CNTNAP3: variants seen among roughly 807,000 people sequenced by gnomAD.
CNTNAP3 encodes the protein contactin-associated protein-like 3.
CNTNAP3 carries 36 observed loss-of-function variants against 92.1 expected under a neutral mutation model. That is an observed-to-expected ratio of 0.39 (90% CI 0.30 to 0.52). The LOEUF (loss-of-function observed/expected upper bound fraction) is 0.52, where lower values mean the gene tolerates loss of function less well. Ranked by LOEUF, CNTNAP3 falls within the 20% of genes least tolerant of loss-of-function variation. CNTNAP3 has a pLI of 0.76. For synonymous variants in CNTNAP3, 232 were observed against 422.3 expected (o/e 0.55, Z 5.53); for missense variants, 534 against 1,069.6 (o/e 0.50, Z 6.98).
intron 15 of CNTNAP3, among the ~76,000 whole-genome samples, chr9:39,104,666 GTCTTT>G (rs1236733391): frequency 6.6e-6 from 1 of 152,080 alleles, no homozygotes; most frequent in African/African-American, 2.4e-5. Context: ...CAGTGTGTGA[GTCTTT>G]TCTTATCTTT....
Position 39,109,216 on chromosome 9 carries a change from C to G in CNTNAP3, c.2309G>C (p.Gly770Ala), listed in dbSNP as rs1244800480. The G allele has an allele frequency of 6.2e-7, 1 of 1,612,944 alleles. No homozygotes were observed. The highest frequency in any genetic ancestry group is 2.2e-5 in the East Asian group (1 of 44,878). ...ATAAGCTGCTTCGGAATGTGGTCGG[C>G]CTGCGTCTGTCATCACAATCTGAGT... ...PVTQIVMTDA[G>A]RPHSEAAYTL... The change falls in exon 15 of 24, where the codon GGC becomes GCC. Residue 770 changes from glycine (G) to alanine (A), a missense_variant. Coordinates refer to ENST00000297668, the MANE Select transcript of CNTNAP3 (RefSeq NM_033655.5).
At chr9:39,110,224 C>T (rs1197249114) in intron 14 of CNTNAP3, among the ~76,000 whole-genome samples, 4 of 151,986 alleles carry the variant, frequency 2.6e-5, no homozygotes, top group African/African-American at 9.7e-5. Flanking sequence ...AGTGAGGCCC[C>T]GTCTCTACAA....
At chr9:39,105,203 G>A (rs1210306142) in intron 15 of CNTNAP3, among the ~76,000 whole-genome samples, 9 of 152,254 alleles carry the variant, frequency 5.9e-5, no homozygotes, top group South Asian at 4.1e-4. Flanking sequence ...CAAGGCGGGC[G>A]GATCATGAAG....
intron 9 of CNTNAP3, 70 bp from the exon 10 acceptor site, chr9:39,150,047 T>A (rs576849844): frequency 9.5e-7 from 1 of 1,052,722 alleles, no homozygotes; most frequent in African/African-American, 1.6e-5. Context: ...ATTTACTATA[T>A]GAAGACTGCT....
Position 39,144,287 on chromosome 9 carries a change from G to C in CNTNAP3, c.1709C>G (p.Ser570Cys), listed in dbSNP as rs1416423837. Reference sequence around the variant, plus strand: ...ATAGCCTGTGCCTAGACAGTCACAGGAGAAGGTGTCCCACGACTGGGAACA... The same window carrying C: ...ATAGCCTGTGCCTAGACAGTCACAGCAGAAGGTGTCCCACGACTGGGAACA... ...GECSQSWDTF[S>C]CDCLGTGYTG... The change falls in exon 11 of 24, where the codon TCC (serine) becomes TGC (cysteine). Residue 570 changes from serine to cysteine, a missense_variant. Coordinates refer to ENST00000297668, the MANE Select transcript of CNTNAP3 (RefSeq NM_033655.5). 1.9e-5 allele frequency: 30 copies of C among 1,580,326 alleles called. No homozygotes were observed. The highest frequency in any genetic ancestry group is 2.5e-5 in the Non-Finnish European group (29 of 1,163,328).
chr9:39,082,403 T>G (rs1281404391), intron 21 of CNTNAP3, among the ~76,000 whole-genome samples: 2 of 152,062 alleles, frequency 1.3e-5, no homozygotes, highest in African/African-American at 2.4e-5. Flanking sequence ...GATAACTTAG[T>G]GCAGCCTCCT....
chr9:39,086,996 T>C, intron 19 of CNTNAP3, 147 bp from the exon 20 acceptor site: 1 of 1,021,308 alleles, frequency 9.8e-7, no homozygotes, highest in Non-Finnish European at 1.4e-6. Context: ...TAGTTATCTT[T>C]CCCGGAACAG....
chr9:39,107,787 A>C (rs1436034155), intron 15 of CNTNAP3, among the ~76,000 whole-genome samples: 11 of 152,238 alleles, frequency 7.2e-5, no homozygotes, highest in Non-Finnish European at 1.6e-4. Flanking sequence ...AGATGCAGAG[A>C]ATCCAACAAA....
intron 13 of CNTNAP3, among the ~76,000 whole-genome samples, chr9:39,122,650 G>A (rs542234932): frequency 6.6e-6 from 1 of 152,242 alleles, no homozygotes; most frequent in Non-Finnish European, 1.5e-5. Flanking sequence ...TACATTAAAG[G>A]CTTCCTTACC....
In CNTNAP3 at chr9:39,159,629, G is replaced by GAGAGAGAT. The variant is rs1554651771; in HGVS notation, c.1477+6303_1477+6304insATCTCTCT. 967 of 136,274 alleles carry GAGAGAGAT rather than the reference G, an allele frequency of 7.1e-3. 44 individuals carry two copies. The highest frequency in any genetic ancestry group is 0.027 in the African/African-American group (922 of 33,948). The allele number at this position is 136,274 out of a possible 1,614,324, so 8.4% of individuals were successfully genotyped here. A position where few individuals can be genotyped will look rare whatever the true frequency, so the allele number is the denominator to read the frequency against. On this transcript the variant is annotated intron_variant, in intron 9 of 23. Coordinates refer to ENST00000297668, the MANE Select transcript of CNTNAP3 (RefSeq NM_033655.5). ...TTACAGGCGTGGGCCACCACGCCTG[G>GAGAGAGAT]AGATAGATAGATAGATAGATAGATA...
chr9:39,126,744 A>G (rs970481220), intron 13 of CNTNAP3, among the ~76,000 whole-genome samples: 27 of 151,986 alleles, frequency 1.8e-4, no homozygotes, highest in African/African-American at 6.3e-4. Context: ...AAAAATATAA[A>G]GCCTATTAAT....
At chr9:39,135,513 C>G (rs935405178) in intron 12 of CNTNAP3, among the ~76,000 whole-genome samples, 4 of 152,116 alleles carry the variant, frequency 2.6e-5, no homozygotes, top group African/African-American at 4.8e-5. Context: ...ATCCCTGTTC[C>G]ACTCCTGTTG....
chr9:39,146,774 C>A (rs1437507611), intron 10 of CNTNAP3, among the ~76,000 whole-genome samples: 1 of 152,210 alleles, frequency 6.6e-6, no homozygotes, highest in Admixed American at 6.5e-5. Context: ...GTGCCCATTG[C>A]TATTTTTTGT....
chr9:39,084,454 A>G (rs541271137), intron 21 of CNTNAP3, among the ~76,000 whole-genome samples: 1 of 152,072 alleles, frequency 6.6e-6, no homozygotes, highest in Non-Finnish European at 1.5e-5. Flanking sequence ...TCAGCCTCCC[A>G]AAGTGCTGGG....
Position 39,072,704 on chromosome 9 carries a change from G to A in CNTNAP3, c.*1186C>T, listed in dbSNP as rs1487866161. On this transcript the variant is annotated 3_prime_UTR_variant, in exon 24 of 24. Transcript: ENST00000297668. ...ACATTCCAAAAGTGATTAGATGAAA[G>A]GATAATACACAATGATATTTATGCC... 2.0e-5 allele frequency: 3 copies of A among 152,036 alleles called. No individual in the cohort carries two copies. The highest frequency in any genetic ancestry group is 4.8e-5 in the African/African-American group (2 of 41,404). 9.4% of individuals were successfully genotyped at this position (152,036 alleles called of 1,614,324 possible). A position where few individuals can be genotyped will look rare whatever the true frequency, so the allele number is the denominator to read the frequency against.
At chr9:39,174,609 T>A (rs1160435479) in intron 7 of CNTNAP3, 2 of 676,384 alleles carry the variant, frequency 3.0e-6, no homozygotes, top group Non-Finnish European at 5.5e-6. Context: ...GATGTGCTGC[T>A]GAGATACACT....
rs1003929967 is a variant in CNTNAP3 at position 39,151,198 on chromosome 9, CTT to C, written c.1478-1223_1478-1222del. On this transcript the variant is annotated intron_variant, in intron 9 of 23. Transcript: ENST00000297668. ...TTCTGTAAAACGCAGATAGTAAACACTTTTGGTTTTGTGGGTCACACCTGGTT... is the reference window on the plus strand; with the variant it reads ...TTCTGTAAAACGCAGATAGTAAACACTTGGTTTTGTGGGTCACACCTGGTT... Among the ~76,000 whole-genome samples, 91 of 131,158 alleles carry C rather than the reference CTT, an allele frequency of 6.9e-4. 4 individuals are homozygous for C. Among genetic ancestry groups the C allele is most frequent in the Admixed American group, 2.3e-3 (31 of 13,370 alleles). The allele number at this position is 131,158 out of a possible 152,430, so 86.0% of individuals were successfully genotyped here.
chr9:39,094,916 G>T (rs1174091627), intron 18 of CNTNAP3, among the ~76,000 whole-genome samples: 3 of 151,520 alleles, frequency 2.0e-5, no homozygotes, highest in Non-Finnish European at 1.5e-5. Context: ...GATTGAATCT[G>T]CTGGGGTTGT....
chr9:39,122,786 T>C (rs1334346571), intron 13 of CNTNAP3, among the ~76,000 whole-genome samples: 1 of 152,138 alleles, frequency 6.6e-6, no homozygotes, highest in African/African-American at 2.4e-5. Context: ...TTTGGAAATA[T>C]CAGATAAAGA....
Sources: allele counts gnomAD v4.1 joint callset (sites outside exome capture counted in the v4.1 genomes callset), GRCh38; gene constraint gnomAD v4.1.1; transcripts MANE v1.5; gene names NCBI Gene and HGNC (gene_info 2026-07-23, HGNC 2026-07-21).